AGMO: variants seen among roughly 807,000 people sequenced by gnomAD.
AGMO encodes the protein alkylglycerol monooxygenase.
Under a neutral mutation model 60.2 loss-of-function variants are expected in AGMO, and 75 were observed. The observed-to-expected ratio is 1.25, with a 90% confidence interval of 1.03 to 1.51. AGMO has a LOEUF of 1.51. Among genes scored for constraint, AGMO ranks in the 40% most tolerant of loss-of-function variants. AGMO has a pLI of 0.00. For missense variants in AGMO, 763 were observed against 525.5 expected (o/e 1.45, Z -4.42); for synonymous variants, 261 against 177.1 (o/e 1.47, Z -3.76).
Position 15,538,174 on chromosome 7 carries a change from A to G in AGMO, c.409+6598T>C, listed in dbSNP as rs1219259195. Among the ~76,000 whole-genome samples the G allele has an allele frequency of 2.0e-5, 3 of 152,278 alleles. No individual in the cohort carries two copies. In the East Asian group the frequency reaches 5.8e-4, roughly 29 times the overall value. ...AAGACAAGAAAAATGGTAGTAACTC[A>G]GGCAAATACAAGGTGGAGTTTACCC... On this transcript the variant is annotated intron_variant, in intron 3 of 12. Transcript: ENST00000342526.
intron 3 of AGMO, among the ~76,000 whole-genome samples, chr7:15,492,128 A>T (rs1409953402): frequency 6.6e-6 from 1 of 152,194 alleles, no homozygotes; most frequent in Non-Finnish European, 1.5e-5. Context: ...TACTCAGTCC[A>T]GGATTGTAAA....
chr7:15,289,343 A>G (rs1784191198), intron 12 of AGMO, among the ~76,000 whole-genome samples: 1 of 152,048 alleles, frequency 6.6e-6, no homozygotes, highest in African/African-American at 2.4e-5. Context: ...ATGTATGTAT[A>G]GCTGTCTCTA....
In AGMO at chr7:15,512,136, T is replaced by C. The variant is rs138665309; in HGVS notation, c.409+32636A>G. Among the ~76,000 whole-genome samples the C allele has an allele frequency of 1.9e-3, 293 of 152,328 alleles. 2 individuals carry two copies. The highest frequency in any genetic ancestry group is 6.7e-3 in the African/African-American group (280 of 41,578). ...TACAAATGTTGCAATTTGAGACTGA[T>C]ACAACAGTTACAACTCTTTAATTGT... On this transcript the variant is annotated intron_variant, in intron 3 of 12. Transcript: ENST00000342526.
At chr7:15,549,001 G>A (rs1282349876) in intron 2 of AGMO, among the ~76,000 whole-genome samples, 2 of 150,282 alleles carry the variant, frequency 1.3e-5, no homozygotes, top group Non-Finnish European at 3.0e-5. Context: ...AAGAGAGTGG[G>A]GGCCAATATT....
At chr7:15,237,130 G>C (rs949444909) in intron 12 of AGMO, among the ~76,000 whole-genome samples, 7 of 152,024 alleles carry the variant, frequency 4.6e-5, no homozygotes, top group African/African-American at 1.7e-4. Flanking sequence ...TTATTTTGCT[G>C]TGCAGCTCCG....
At chr7:15,365,403 A>AAAAAAAAAATATAAATT in intron 12 of AGMO, 111 bp downstream of exon 12, 1 of 534,132 alleles carries the variant, frequency 1.9e-6, no homozygotes, top group Non-Finnish European at 3.2e-6. Flanking sequence ...AAAGATCAAG[A>AAAAAAAAAATATAAATT]TTTCCCACAT....
intron 4 of AGMO, among the ~76,000 whole-genome samples, chr7:15,427,188 C>T (rs1781089555): frequency 6.6e-6 from 1 of 152,092 alleles, no homozygotes. Flanking sequence ...CTGTTGATGG[C>T]TCATTCTAAT....
chr7:15,281,949 T>C (rs1783978463), intron 12 of AGMO, among the ~76,000 whole-genome samples: 1 of 152,036 alleles, frequency 6.6e-6, no homozygotes, highest in Non-Finnish European at 1.5e-5. Flanking sequence ...AAAAAGGCCC[T>C]CTATAGCCTA....
intron 3 of AGMO, among the ~76,000 whole-genome samples, chr7:15,473,533 A>T (rs533106285): frequency 6.6e-6 from 1 of 152,182 alleles, no homozygotes; most frequent in East Asian, 1.9e-4. Context: ...AAAAACTCTC[A>T]ATAAACTAGG....
At chr7:15,469,013 T>G (rs1431797103) in intron 3 of AGMO, among the ~76,000 whole-genome samples, 1 of 152,112 alleles carries the variant, frequency 6.6e-6, no homozygotes, top group East Asian at 1.9e-4. Context: ...TCTTCCCAAT[T>G]TGCATACATT....
At position 15,390,897 on chromosome 7, in the gene AGMO, G is replaced by T; in HGVS notation, c.685C>A (p.Arg229Ser). ...SHHRVHHGRN[R>S]YCIDKNYAGV... ...GCATAATTTTTGTCTATGCAATAAC[G>T]ATTTCTGCCTATGAGACAAAATATT... The change falls in exon 7 of 13, where the codon CGT (arginine) becomes AGT (serine). Residue 229 changes from arginine (R) to serine (S), a missense_variant. By Grantham distance (110) the Arg-to-Ser change is moderately radical (BLOSUM62 -1). Coordinates refer to ENST00000342526, the MANE Select transcript of AGMO (RefSeq NM_001004320.2). 3 of 1,594,784 alleles carry T rather than the reference G, an allele frequency of 1.9e-6. No individual in the cohort carries two copies. Among genetic ancestry groups the T allele is most frequent in the South Asian group, 2.3e-5 (2 of 87,000 alleles).
At chr7:15,170,219 A>C in the AGMO span, among the ~76,000 whole-genome samples, 1 of 152,184 alleles carries the variant, frequency 6.6e-6, no homozygotes, top group African/African-American at 2.4e-5. Flanking sequence ...ACGTTCCCAG[A>C]GCTCTGACTT....
At chr7:15,285,353 T>G (rs746373090) in intron 12 of AGMO, among the ~76,000 whole-genome samples, 7 of 151,974 alleles carry the variant, frequency 4.6e-5, no homozygotes, top group African/African-American at 9.7e-5. Context: ...ATAAGACTAC[T>G]AGATTTGATA....
chr7:15,383,217 T>C (rs113381362), intron 10 of AGMO, among the ~76,000 whole-genome samples: 7 of 152,282 alleles, frequency 4.6e-5, no homozygotes, highest in African/African-American at 9.6e-5. Context: ...AGCAAGTTGG[T>C]AGCCATCTTG....
intron 4 of AGMO, among the ~76,000 whole-genome samples, chr7:15,421,367 C>G (rs912757081): frequency 6.6e-6 from 1 of 152,100 alleles, no homozygotes; most frequent in African/African-American, 2.4e-5. Flanking sequence ...GTGGCTAAAC[C>G]AGAGAAGGGA....
At chr7:15,198,447 A>G (rs987096336), downstream of AGMO, among the ~76,000 whole-genome samples, 2 of 152,240 alleles carry the variant, frequency 1.3e-5, no homozygotes, top group Non-Finnish European at 2.9e-5. Flanking sequence ...GCCTTGGTTA[A>G]TAATGCACAG....
intron 3 of AGMO, among the ~76,000 whole-genome samples, chr7:15,504,847 A>G (rs1170892941): frequency 6.6e-6 from 1 of 151,838 alleles, no homozygotes; most frequent in Admixed American, 6.6e-5. Context: ...CTAATCTGGA[A>G]CTGAAGACTC....
At chr7:15,474,767 A>G (rs541423047) in intron 3 of AGMO, among the ~76,000 whole-genome samples, 2 of 152,178 alleles carry the variant, frequency 1.3e-5, no homozygotes, top group Non-Finnish European at 2.9e-5. Context: ...GACAACCTAC[A>G]GAATAGGAGA....
intron 2 of AGMO, among the ~76,000 whole-genome samples, chr7:15,553,291 T>C (rs371611050): frequency 6.6e-6 from 1 of 151,390 alleles, no homozygotes; most frequent in East Asian, 1.9e-4. Context: ...CTGCGCAATG[T>C]GCACATGTAC....
Sources: allele counts gnomAD v4.1 joint callset (sites outside exome capture counted in the v4.1 genomes callset), GRCh38; gene constraint gnomAD v4.1.1; transcripts MANE v1.5; gene names NCBI Gene and HGNC (gene_info 2026-07-23, HGNC 2026-07-21).